The following KLHDC4 variants were observed in gnomAD, a reference collection of about 807,000 sequenced individuals.
KLHDC4 encodes kelch domain containing 4.
KLHDC4 carries 90 observed loss-of-function variants against 62.4 expected under a neutral mutation model. The observed-to-expected ratio is 1.44, with a 90% CI of 1.22 to 1.72. The LOEUF (loss-of-function observed/expected upper bound fraction) is 1.72. KLHDC4 is among the 40% of genes most tolerant of loss of function. KLHDC4 has a pLI of 0.00. For missense variants in KLHDC4, 1,025 were observed against 699.7 expected (o/e 1.47, Z -5.25); for synonymous variants, 386 against 284.4 (o/e 1.36, Z -3.59).
At chr16:87,727,831 T>C (rs573035762) in intron 6 of KLHDC4, among the ~76,000 whole-genome samples, 11 of 152,184 alleles carry the variant, frequency 7.2e-5, no homozygotes, top group Non-Finnish European at 1.5e-4. Flanking sequence ...TTTGTTCCTG[T>C]TTTGTGTGAA....
Position 87,765,914 on chromosome 16 carries a change from G to C in KLHDC4, c.-24C>G. 3 of 1,548,796 alleles carry C rather than the reference G, an allele frequency of 1.9e-6. No individual in the cohort carries two copies. Among genetic ancestry groups the C allele is most frequent in the Non-Finnish European group, 2.6e-6 (3 of 1,145,412 alleles). On this transcript the variant is annotated 5_prime_UTR_variant, in exon 1 of 12. Coordinates refer to ENST00000270583, the MANE Select transcript of KLHDC4 (RefSeq NM_017566.4). ...ATCTTGCCGGGTCCCAAGCCGCGAC[G>C]GGACACCAGGAAAGAAAACGGCCCG... is the stretch of plus-strand genomic sequence containing the variant.
At chr16:87,698,974 A>G (rs2034020012) in exon 1 of KLHDC4, 1 of 152,256 alleles carries the variant, frequency 6.6e-6, no homozygotes, top group Admixed American at 6.5e-5. Flanking sequence ...ACCCGAGGCC[A>G]GGAGGAAGTG....
chr16:87,742,522 G>C (rs138159409), intron 5 of KLHDC4, among the ~76,000 whole-genome samples: 1 of 152,194 alleles, frequency 6.6e-6, no homozygotes, highest in African/African-American at 2.4e-5. Flanking sequence ...ACCAGTCACA[G>C]AGGCTGATGG....
At chr16:87,730,670 C>G (rs1054168514) in intron 5 of KLHDC4, 26 bp from the exon 6 acceptor site, 3 of 1,574,414 alleles carry the variant, frequency 1.9e-6, no homozygotes, top group Non-Finnish European at 2.6e-6. Context: ...CAAAAAGACA[C>G]TATCAACCTG....
At chr16:87,700,928 C>T (rs946378124) in exon 1 of KLHDC4, 8 of 253,544 alleles carry the variant, frequency 3.2e-5, no homozygotes, top group African/African-American at 1.7e-4. Context: ...ACTCAGGCAC[C>T]TGGTTGGCTT....
intron 7 of KLHDC4, among the ~76,000 whole-genome samples, chr16:87,719,373 A>G (rs1477607755): frequency 6.6e-6 from 1 of 152,184 alleles, no homozygotes; most frequent in Non-Finnish European, 1.5e-5. Context: ...CTTACCCCCA[A>G]CCCTGTGCTC....
chr16:87,748,615 C>G (rs900808959), intron 5 of KLHDC4, 58 bp downstream of exon 5: 1 of 1,606,012 alleles, frequency 6.2e-7, no homozygotes, highest in Admixed American at 1.7e-5. Flanking sequence ...CACTCGGGCT[C>G]AGCACACAAG....
chr16:87,758,592 T>C (rs999702411), intron 2 of KLHDC4, among the ~76,000 whole-genome samples: 1 of 152,096 alleles, frequency 6.6e-6, no homozygotes, highest in African/African-American at 2.4e-5. Flanking sequence ...ACTTCTCCCA[T>C]CTTTTGGCTT....
At chr16:87,734,558 A>G (rs1599802) in intron 5 of KLHDC4, among the ~76,000 whole-genome samples, 19,985 of 152,034 alleles carry the variant, frequency 0.13, 2,168 homozygotes, top group African/African-American at 0.29. Context: ...ACCCTCCATC[A>G]TATCAGCACC....
chr16:87,711,426 G>A lies in KLHDC4; in HGVS notation c.853C>T (p.Arg285Trp), dbSNP rs778845299. Residue 285 changes from arginine (R) to tryptophan (W), a missense_variant, in exon 9 of 12, where the codon CGG (arginine) becomes TGG (tryptophan). Physicochemically the swap from Arg to Trp is moderately radical, Grantham distance 101. Coordinates refer to ENST00000270583, the MANE Select transcript of KLHDC4 (RefSeq NM_017566.4). Reference sequence around the variant, plus strand: ...GGCTTGACCCCCGAAGGGTTCATCCGAGTCCAAACCCACTTGTCTGTCAAA... The same window carrying A: ...GGCTTGACCCCCGAAGGGTTCATCCAAGTCCAAACCCACTTGTCTGTCAAA... ...DGREDKWVWT[R>W]MNPSGVKPTP... 21 of 1,611,162 alleles carry A rather than the reference G, an allele frequency of 1.3e-5. No homozygotes were observed. The highest frequency in any genetic ancestry group is 5.3e-5 in the African/African-American group (4 of 74,876).
chr16:87,743,676 C>G (rs1435023725), intron 5 of KLHDC4, among the ~76,000 whole-genome samples: 2 of 151,346 alleles, frequency 1.3e-5, no homozygotes, highest in African/African-American at 4.9e-5. Flanking sequence ...GGAGGCGGAG[C>G]TTGCAGTGAG....
chr16:87,758,210 T>A (rs1475668806), intron 2 of KLHDC4, among the ~76,000 whole-genome samples: 1 of 152,198 alleles, frequency 6.6e-6, no homozygotes, highest in Admixed American at 6.5e-5. Flanking sequence ...AATCACCACA[T>A]AATCCAGCAG....
In KLHDC4 at chr16:87,756,312, CA is replaced by C. The variant is rs1481132300; in HGVS notation, c.270+86del. 6.1e-6 allele frequency: 6 copies of C among 981,242 alleles called. No individual in the cohort carries two copies. In the African/African-American group the frequency reaches 6.4e-5, roughly 10 times the overall value. The allele number at this position is 981,242 out of a possible 1,614,324, so 60.8% of individuals were successfully genotyped here. A position where few individuals can be genotyped will look rare whatever the true frequency, so the allele number is the denominator to read the frequency against. Reference sequence around the variant, plus strand: ...GATACAAGGGGTGAAGGGGCTAACGCATATTTGATGTCACTGCCTTAAGTTA... The same window carrying C: ...GATACAAGGGGTGAAGGGGCTAACGCTATTTGATGTCACTGCCTTAAGTTA... On this transcript the variant is annotated intron_variant, in intron 3 of 11. Transcript: ENST00000270583.
At chr16:87,755,415 A>G (rs1158227140) in intron 3 of KLHDC4, 123 bp from the exon 4 acceptor site, 7 of 582,566 alleles carry the variant, frequency 1.2e-5, no homozygotes, top group Non-Finnish European at 2.2e-5. Flanking sequence ...AAACCATACC[A>G]GCACAGGGAG....
In KLHDC4 at chr16:87,726,795, G is replaced by A. The variant is rs902004538; in HGVS notation, c.729C>T (p.Gly243=). The change falls in exon 7 of 12, where the codon GGC becomes GGT. Residue 243 remains glycine (G), a synonymous_variant. Coordinates refer to ENST00000270583, the MANE Select transcript of KLHDC4 (RefSeq NM_017566.4). ...GCQMSVTPQG[G]IVVYGGYSKQ... ...TCGAGTAGCCCCCATAGACGACGAT[G>A]CCGCCCTGGGGAGTGACGGACATCT... is the stretch of plus-strand genomic sequence containing the variant. The A allele has an allele frequency of 1.9e-6, 3 of 1,601,812 alleles. No homozygotes were observed. Among genetic ancestry groups the A allele is most frequent in the Admixed American group, 1.7e-5 (1 of 57,674 alleles).
At chr16:87,733,631 TG>T (rs2040786954) in intron 5 of KLHDC4, among the ~76,000 whole-genome samples, 2 of 140,340 alleles carry the variant, frequency 1.4e-5, no homozygotes, top group East Asian at 4.3e-4. Flanking sequence ...TCCTCACTGA[TG>T]ACCTGCCTCG....
At chr16:87,719,013 G>T (rs2037688677) in intron 7 of KLHDC4, among the ~76,000 whole-genome samples, 1 of 151,814 alleles carries the variant, frequency 6.6e-6, no homozygotes, top group Non-Finnish European at 1.5e-5. Flanking sequence ...GGGAAGTGAG[G>T]AGCGTCTCCG....
chr16:87,731,634 C>T (rs923533363), intron 5 of KLHDC4, among the ~76,000 whole-genome samples: 2 of 151,498 alleles, frequency 1.3e-5, no homozygotes, highest in Admixed American at 6.6e-5. Context: ...GCCATGGCAC[C>T]GGTGAAAACG....
intron 8 of KLHDC4, among the ~76,000 whole-genome samples, chr16:87,714,016 G>A (rs934934407): frequency 2.6e-5 from 4 of 152,098 alleles, no homozygotes; most frequent in Admixed American, 6.5e-5. Context: ...TTCTGTGCAT[G>A]AGCAACACCG....
Sources: gnomAD v4.1 joint callset for allele counts (sites outside exome capture counted in the v4.1 genomes callset) on GRCh38, gnomAD v4.1.1 for gene constraint, MANE v1.5 for transcripts, NCBI Gene and HGNC (gene_info 2026-07-23, HGNC 2026-07-21) for gene names.